Variants in PTGR1 observed in about 807,000 individuals in gnomAD.
The protein encoded by PTGR1 is prostaglandin reductase 1.
PTGR1 carries 23 observed loss-of-function variants against 37.7 expected under a neutral mutation model. The ratio of observed to expected loss-of-function variants is 0.61; its 90% confidence interval spans 0.44 to 0.86. The LOEUF is 0.86. PTGR1 is among the 40% of genes least tolerant of loss of function. The pLI is 0.00. For synonymous variants in PTGR1, 134 were observed against 140.0 expected, an observed-to-expected ratio of 0.96 and a Z score of 0.30; for missense variants, 351 against 394.3, an observed-to-expected ratio of 0.89 and a Z score of 0.93.
At chr9:111,550,642 G>C (rs1457866651) in intron 9 of PTGR1, among the ~76,000 whole-genome samples, 1 of 152,042 alleles carries the variant, frequency 6.6e-6, no homozygotes, top group African/African-American at 2.4e-5. Context: ...GTGGAGAGGT[G>C]GATTCCTGGG....
intron 4 of PTGR1, among the ~76,000 whole-genome samples, chr9:111,591,871 T>C (rs1334424582): frequency 1.3e-5 from 2 of 152,312 alleles, no homozygotes; most frequent in East Asian, 1.9e-4. Flanking sequence ...TGCAGGATTG[T>C]GTAAAGACAA....
chr9:111,559,128 A>C (rs1336703681), downstream of PTGR1, among the ~76,000 whole-genome samples: 2 of 152,040 alleles, frequency 1.3e-5, no homozygotes, highest in Admixed American at 1.3e-4. Flanking sequence ...CTGCCAAGCT[A>C]TCCATGCATC....
intron 9 of PTGR1, among the ~76,000 whole-genome samples, chr9:111,550,316 T>G (rs150341438): frequency 1.8e-3 from 271 of 152,350 alleles, no homozygotes; most frequent in African/African-American, 6.3e-3. Flanking sequence ...GGTAGCTTGC[T>G]TCTTTGTCTG....
chr9:111,597,994 GTTT>G lies in PTGR1; in HGVS notation c.-10-565_-10-563del, dbSNP rs34861111. Among the ~76,000 whole-genome samples, 79 of 146,620 alleles carry G rather than the reference GTTT, an allele frequency of 5.4e-4. 1 individual carries two copies. The highest frequency in any genetic ancestry group is 1.7e-3 in the African/African-American group (67 of 39,962). On this transcript the variant is annotated intron_variant, in intron 1 of 9. Coordinates refer to ENST00000407693, the MANE Select transcript of PTGR1 (RefSeq NM_001146108.2). Reference sequence around the variant, plus strand: ...GCTGCTCCGCCCCATTTTCAGGTGCGTTTTTTTTTTTTTTAAATACTTTTTTTT... The same window carrying G: ...GCTGCTCCGCCCCATTTTCAGGTGCGTTTTTTTTTTTAAATACTTTTTTTT...
chr9:111,594,333 G>T, intron 2 of PTGR1, 66 bp from the exon 3 acceptor site: 1 of 1,400,506 alleles, frequency 7.1e-7, no homozygotes, highest in Non-Finnish European at 1.0e-6. Context: ...TAGACACTGA[G>T]CACCACTAGA....
Position 111,570,194 on chromosome 9 carries a change from A to G in PTGR1, c.776T>C (p.Ile259Thr). Reference protein sequence around the residue: ...GPLPPGPPPEIVIYQELRMEA... With the variant: ...GPLPPGPPPETVIYQELRMEA... ...CATGCGAAGCTCCTGATAGATAACA[A>G]TCTCTGGGGGTGGGCCTGTGAAGAG... Residue 259 changes from isoleucine to threonine, a missense_variant, in exon 9 of 10, where the codon ATT becomes ACT. Physicochemically the swap from Ile to Thr is moderately conservative, Grantham distance 89. Coordinates refer to ENST00000407693, the MANE Select transcript of PTGR1 (RefSeq NM_001146108.2). 1 of 1,613,742 alleles carries G rather than the reference A, an allele frequency of 6.2e-7. No homozygotes were observed. The highest frequency in any genetic ancestry group is 8.5e-7 in the Non-Finnish European group (1 of 1,179,910).
intron 6 of PTGR1, 145 bp from the exon 7 acceptor site, chr9:111,579,096 C>A: frequency 2.8e-6 from 2 of 714,112 alleles, no homozygotes; most frequent in Non-Finnish European, 4.3e-6. Context: ...CATAATGGGC[C>A]AACAGATCCC....
chr9:111,553,534 C>T (rs1209321113), intron 9 of PTGR1, among the ~76,000 whole-genome samples: 2 of 152,094 alleles, frequency 1.3e-5, no homozygotes, highest in Non-Finnish European at 2.9e-5. Flanking sequence ...TGTGATTTTA[C>T]ATCCGTGCAT....
chr9:111,578,775 T>G (rs555016981), intron 7 of PTGR1, 21 bp downstream of exon 7: 1 of 1,581,102 alleles, frequency 6.3e-7, no homozygotes, highest in South Asian at 1.1e-5. Flanking sequence ...AAATTAGATA[T>G]TAAGTCCAGT....
chr9:111,582,458 C>T (rs930760642), intron 6 of PTGR1, among the ~76,000 whole-genome samples: 1 of 152,150 alleles, frequency 6.6e-6, no homozygotes, highest in Non-Finnish European at 1.5e-5. Flanking sequence ...AAACTTTAAA[C>T]CAAACTCACT....
At chr9:111,559,209 A>G (rs1471912464), downstream of PTGR1, among the ~76,000 whole-genome samples, 2 of 151,718 alleles carry the variant, frequency 1.3e-5, no homozygotes, top group Non-Finnish European at 2.9e-5. Context: ...ATACCCTCCT[A>G]CCTCTGCTAG....
chr9:111,577,983 T>TAATG (rs1829132472), intron 7 of PTGR1: 1 of 151,884 alleles, frequency 6.6e-6, no homozygotes, highest in Non-Finnish European at 1.5e-5. Flanking sequence ...GAGTGACTGC[T>TAATG]AATGAGTAGC....
rs544442839 is a variant in PTGR1 at position 111,570,276 on chromosome 9, C to T, written c.761-67G>A. The T allele has an allele frequency of 4.0e-4, 615 of 1,545,162 alleles. 1 individual carries two copies. Among genetic ancestry groups the T allele is most frequent in the Non-Finnish European group, 5.0e-4 (572 of 1,149,078 alleles). Reference sequence around the variant, plus strand: ...GGTGCCCATGGTGAAACAAGCAGTACAGGTCACTGTCACTGTGCTTGGTGC... The same window carrying T: ...GGTGCCCATGGTGAAACAAGCAGTATAGGTCACTGTCACTGTGCTTGGTGC... On this transcript the variant is annotated intron_variant, in intron 8 of 9. Transcript: ENST00000407693.
At chr9:111,572,390 C>T (rs1040246868) in intron 8 of PTGR1, among the ~76,000 whole-genome samples, 2 of 152,022 alleles carry the variant, frequency 1.3e-5, no homozygotes, top group Non-Finnish European at 2.9e-5. Flanking sequence ...GTCAGGAAAT[C>T]AAGACCATCC....
chr9:111,594,071 G>A (rs776558112), intron 3 of PTGR1, 151 bp downstream of exon 3: 11 of 793,936 alleles, frequency 1.4e-5, no homozygotes, highest in South Asian at 4.8e-5. Context: ...TGCAAAAGAC[G>A]AGCGTGCATG....
At chr9:111,587,951 T>C (rs899960181) in intron 4 of PTGR1, among the ~76,000 whole-genome samples, 2 of 152,080 alleles carry the variant, frequency 1.3e-5, no homozygotes, top group Non-Finnish European at 2.9e-5. Context: ...TTTTTTCCTT[T>C]TTTCTGAGTC....
At chr9:111,588,288 C>A (rs562205612) in intron 4 of PTGR1, among the ~76,000 whole-genome samples, 1 of 151,708 alleles carries the variant, frequency 6.6e-6, no homozygotes, top group African/African-American at 2.4e-5. Context: ...GCTCCGCCTC[C>A]CCGGTTCACA....
intron 2 of PTGR1, among the ~76,000 whole-genome samples, chr9:111,596,705 T>C (rs1829791986): frequency 6.6e-6 from 1 of 151,368 alleles, no homozygotes; most frequent in Admixed American, 6.6e-5. Context: ...AAGGTTGCAG[T>C]GAGCCGAGAT....
At chr9:111,589,323 T>G (rs935325819) in intron 4 of PTGR1, 1 of 808,006 alleles carries the variant, frequency 1.2e-6, no homozygotes, top group Non-Finnish European at 1.5e-6. Context: ...ATCTGTAAGG[T>G]CACTGAAATT....
Sources: gnomAD v4.1 joint callset for allele counts (sites outside exome capture counted in the v4.1 genomes callset) on GRCh38, gnomAD v4.1.1 for gene constraint, MANE v1.5 for transcripts, NCBI Gene and HGNC (gene_info 2026-07-23, HGNC 2026-07-21) for gene names.